The following CALD1 variants were observed in gnomAD, a reference collection of about 807,000 sequenced individuals.
CALD1 encodes caldesmon 1.
A neutral mutation model predicts 99.9 loss-of-function variants in CALD1; 33 were observed. The observed-to-expected ratio is 0.33, with a 90% confidence interval of 0.25 to 0.44. The LOEUF (loss-of-function observed/expected upper bound fraction) is 0.44. CALD1 is among the 20% of genes least tolerant of loss of function. CALD1 has a pLI of 1.00. For missense variants in CALD1, 861 were observed against 962.1 expected (o/e 0.89, Z 1.39); for synonymous variants, 310 against 325.0 (o/e 0.95, Z 0.50).
At chr7:134,713,841 C>A in the CALD1 span, among the ~76,000 whole-genome samples, 1 of 152,102 alleles carries the variant, frequency 6.6e-6, no homozygotes, top group African/African-American at 2.4e-5. Context: ...CTCCAAACTG[C>A]AGAGAGAAAA....
At chr7:134,776,306 T>C (rs572254198), upstream of CALD1, among the ~76,000 whole-genome samples, 2 of 152,322 alleles carry the variant, frequency 1.3e-5, no homozygotes, top group South Asian at 4.1e-4. Flanking sequence ...ATTCTATTTC[T>C]AGTTTTCCAA....
intron 3 of CALD1, among the ~76,000 whole-genome samples, chr7:134,905,863 T>G (rs1172203138): frequency 6.6e-6 from 1 of 151,466 alleles, no homozygotes; most frequent in African/African-American, 2.4e-5. Flanking sequence ...TAATCTCACA[T>G]GACTTTGTAT....
At chr7:134,854,357 C>T (rs569701991) in intron 2 of CALD1, among the ~76,000 whole-genome samples, 2 of 152,352 alleles carry the variant, frequency 1.3e-5, no homozygotes, top group East Asian at 3.9e-4. Flanking sequence ...TGTTTCTCCA[C>T]ATCCTCACCA....
chr7:134,947,540 A>G lies in CALD1; in HGVS notation c.1565A>G (p.Lys522Arg), dbSNP rs144595168. The stretch of plus-strand genomic sequence containing the variant: ...GGAGGGAGGGCCAGCGTGGACACCA[A>G]GGAGGCTGAGGGCGCCCCCCAGGTG... ...RPGGRASVDT[K>R]EAEGAPQVEA... Residue 522 changes from lysine to arginine, a missense_variant, in exon 8 of 15, where the codon AAG (lysine) becomes AGG (arginine). Physicochemically the swap from Lys to Arg is conservative, Grantham distance 26. Coordinates refer to ENST00000361675, the MANE Select transcript of CALD1 (RefSeq NM_033138.4). 2,973 of 1,565,590 alleles carry G rather than the reference A, an allele frequency of 1.9e-3. 2 individuals are homozygous for G. Among genetic ancestry groups the G allele is most frequent in the Non-Finnish European group, 2.3e-3 (2,665 of 1,154,740 alleles).
At chr7:134,951,957 A>G (rs972416526) in intron 9 of CALD1, among the ~76,000 whole-genome samples, 2 of 152,204 alleles carry the variant, frequency 1.3e-5, no homozygotes, top group Admixed American at 6.5e-5. Flanking sequence ...TTTTCCATCA[A>G]CCTAGCTAGG....
intron 2 of CALD1, among the ~76,000 whole-genome samples, chr7:134,861,511 G>T (rs1371574841): frequency 6.6e-6 from 1 of 152,178 alleles, no homozygotes; most frequent in East Asian, 1.9e-4. Context: ...ACACAAAACA[G>T]AAAGCAGGTG....
intron 3 of CALD1, among the ~76,000 whole-genome samples, chr7:134,925,625 C>T (rs1359893799): frequency 1.3e-5 from 2 of 152,112 alleles, no homozygotes; most frequent in Non-Finnish European, 2.9e-5. Flanking sequence ...ACTTGCCAAA[C>T]ACTTATAAAA....
At chr7:134,728,159 G>A in the CALD1 span, among the ~76,000 whole-genome samples, 1 of 590 alleles carries the variant, frequency 1.7e-3, no homozygotes, top group Non-Finnish European at 2.9e-3. Flanking sequence ...AGAGAATGAC[G>A]TTGAGCCTAT....
chr7:134,963,517 T>C lies in CALD1; in HGVS notation c.2296-1789T>C, dbSNP rs1200897400. 2.0e-5 allele frequency among the ~76,000 whole-genome samples: 3 copies of C among 152,222 alleles called. No individual in the cohort carries two copies. The East Asian group carries it at 5.8e-4, about 29-fold the overall frequency. On this transcript the variant is annotated intron_variant, in intron 13 of 14. Coordinates refer to ENST00000361675, the MANE Select transcript of CALD1 (RefSeq NM_033138.4). ...ATTGCTGTTAGCTTTGCCTTCCTCC[T>C]GAGAAAAGGGTTTGCCAAGATAAGC...
chr7:134,794,253 G>GT (rs1210789951), intron 1 of CALD1, among the ~76,000 whole-genome samples: 1 of 152,202 alleles, frequency 6.6e-6, no homozygotes, highest in Non-Finnish European at 1.5e-5. Context: ...GCCTGTTACT[G>GT]TTACGGAGGC....
intron 2 of CALD1, among the ~76,000 whole-genome samples, chr7:134,847,795 A>G (rs559465409): frequency 4.1e-4 from 62 of 152,332 alleles, no homozygotes; most frequent in African/African-American, 1.4e-3. Context: ...AGCAGGGAGA[A>G]AAACACACAA....
intron 3 of CALD1, among the ~76,000 whole-genome samples, chr7:134,869,174 G>A (rs1408124177): frequency 6.6e-6 from 1 of 152,150 alleles, no homozygotes; most frequent in African/African-American, 2.4e-5. Context: ...AGCCATGGAG[G>A]AGGTAATGAT....
At chr7:134,749,834 A>T (rs1796669732) in intron 1 of CALD1, among the ~76,000 whole-genome samples, 1 of 152,186 alleles carries the variant, frequency 6.6e-6, no homozygotes, top group Non-Finnish European at 1.5e-5. Context: ...CTGTAATTTA[A>T]TTTAAAGAAC....
rs192913216 is a variant in CALD1 at position 134,944,991 on chromosome 7, G to A, written c.1533-2517G>A. On this transcript the variant is annotated intron_variant, in intron 7 of 14. Coordinates refer to ENST00000361675, the MANE Select transcript of CALD1 (RefSeq NM_033138.4). ...GTAAATTTATTAAAGAAACTCAGGGGTCACAGTAGGTGCTAATGATATGTC... is the reference window on the plus strand; with the variant it reads ...GTAAATTTATTAAAGAAACTCAGGGATCACAGTAGGTGCTAATGATATGTC... Among the ~76,000 whole-genome samples, 151 of 152,216 alleles carry A rather than the reference G, an allele frequency of 9.9e-4. 4 individuals are homozygous for A. The highest frequency in any genetic ancestry group is 9.8e-3 in the Admixed American group (150 of 15,286).
the CALD1 span, among the ~76,000 whole-genome samples, chr7:134,731,190 CTT>C: frequency 3.3e-5 from 5 of 152,164 alleles, no homozygotes; most frequent in Non-Finnish European, 7.3e-5. Context: ...CTTACCCTCT[CTT>C]TGGCTCTACC....
intron 13 of CALD1, 51 bp from the exon 14 acceptor site, chr7:134,965,255 A>G: frequency 1.1e-6 from 1 of 871,134 alleles, no homozygotes; most frequent in Non-Finnish European, 2.0e-6. Flanking sequence ...AGAGCTGGCT[A>G]GAAAATATAA....
chr7:134,781,864 G>T (rs1346547512), intron 1 of CALD1, among the ~76,000 whole-genome samples: 1 of 152,228 alleles, frequency 6.6e-6, no homozygotes, highest in Admixed American at 6.5e-5. Context: ...GCAGTTTAAA[G>T]GATTTTAAAT....
chr7:134,730,783 G>A, the CALD1 span, among the ~76,000 whole-genome samples: 1 of 152,144 alleles, frequency 6.6e-6, no homozygotes, highest in Admixed American at 6.5e-5. Context: ...TGGCTCTCAT[G>A]ATTCCTAAGA....
At chr7:134,892,281 T>A (rs1055656347) in intron 3 of CALD1, among the ~76,000 whole-genome samples, 1 of 152,070 alleles carries the variant, frequency 6.6e-6, no homozygotes, top group Non-Finnish European at 1.5e-5. Context: ...TGTCTTTCAA[T>A]AGGCAGGGAA....
Sources: allele counts gnomAD v4.1 joint callset (sites outside exome capture counted in the v4.1 genomes callset), GRCh38; gene constraint gnomAD v4.1.1; transcripts MANE v1.5; gene names NCBI Gene and HGNC (gene_info 2026-07-23, HGNC 2026-07-21).